PLD5: variants seen among roughly 807,000 people sequenced by gnomAD.
The protein encoded by PLD5 is inactive phospholipase D5.
PLD5 carries 36 observed loss-of-function variants against 61.1 expected under a neutral mutation model. That is an observed-to-expected ratio of 0.59 (90% CI 0.45 to 0.78). The LOEUF (loss-of-function observed/expected upper bound fraction) is 0.78. PLD5 is among the 30% of genes least tolerant of loss of function. The pLI, the probability that PLD5 is intolerant of heterozygous loss-of-function variation, is 0.00. For synonymous variants in PLD5, 243 were observed against 242.8 expected (o/e 1.00, Z -0.01); for missense variants, 515 against 644.4 (o/e 0.80, Z 2.17).
chr1:242,202,258 T>C lies in PLD5; in HGVS notation c.735+17730A>G, dbSNP rs1055830045. ...AAAACAAACAAACAAACAAAAAATA[T>C]GGTGTGTGGCCAGGTCCTTGGGTGT... On this transcript the variant is annotated intron_variant, in intron 5 of 9. Coordinates refer to ENST00000536534, the MANE Select transcript of PLD5 (RefSeq NM_001372062.1). 4.0e-5 allele frequency among the ~76,000 whole-genome samples: 6 copies of C among 150,496 alleles called. No individual in the cohort carries two copies. The South Asian group carries it at 1.3e-3, about 32-fold the overall frequency.
intron 1 of PLD5, among the ~76,000 whole-genome samples, chr1:242,383,369 A>G (rs1036446106): frequency 6.6e-6 from 1 of 152,060 alleles, no homozygotes; most frequent in Admixed American, 6.6e-5. Context: ...TAGTATATTT[A>G]AGAAGTTTGT....
chr1:242,084,750 G>GTTTTTTT lies in PLD5; in HGVS notation c.*5097_*5103dup, dbSNP rs1162808490. ...CTCAGAATGAACATTTATTGGAAAGGTTTTTTTTTTTTTTTTTTTTTTTTT... is the reference window on the plus strand; with the variant it reads ...CTCAGAATGAACATTTATTGGAAAGGTTTTTTTTTTTTTTTTTTTTTTTTTTTTTTTT... On this transcript the variant is annotated 3_prime_UTR_variant, in exon 10 of 10. Transcript: ENST00000536534. 3 of 73,618 alleles carry GTTTTTTT rather than the reference G, an allele frequency of 4.1e-5. No individual in the cohort carries two copies. Among genetic ancestry groups the GTTTTTTT allele is most frequent in the East Asian group, 4.8e-4 (1 of 2,080 alleles). The allele number at this position is 73,618 out of a possible 1,614,324, so 4.6% of individuals were successfully genotyped here.
rs1659367063 is a variant in PLD5 at position 242,084,472 on chromosome 1, C to T, written c.*5382G>A. The T allele has an allele frequency of 6.6e-6, 1 of 152,120 alleles. No homozygotes were observed. The highest frequency in any genetic ancestry group is 6.6e-5 in the Admixed American group (1 of 15,260). The allele number at this position is 152,120 out of a possible 1,614,324, so 9.4% of individuals were successfully genotyped here. ...CTTGAGAAAGGAACCATATAAAGCA[C>T]TCCAAATTGTTTGGCTCAAGTAGGT... is the stretch of plus-strand genomic sequence containing the variant. On this transcript the variant is annotated 3_prime_UTR_variant, in exon 10 of 10. Transcript: ENST00000536534.
chr1:242,341,270 T>C (rs1195227088), intron 2 of PLD5, among the ~76,000 whole-genome samples: 1 of 151,272 alleles, frequency 6.6e-6, no homozygotes, highest in Non-Finnish European at 1.5e-5. Flanking sequence ...TCTAAGGTCA[T>C]GATACTAAAC....
intron 7 of PLD5, among the ~76,000 whole-genome samples, chr1:242,111,130 C>T (rs1171868135): frequency 6.6e-6 from 1 of 150,966 alleles, no homozygotes; most frequent in Non-Finnish European, 1.5e-5. Flanking sequence ...GATCTTGGCT[C>T]ACTGCAACCT....
chr1:242,176,585 G>C (rs1440021293), intron 5 of PLD5, among the ~76,000 whole-genome samples: 1 of 152,136 alleles, frequency 6.6e-6, no homozygotes, highest in South Asian at 2.1e-4. Context: ...TTTGACAAAT[G>C]GGACTTAATT....
chr1:242,261,177 C>A (rs1374882695), intron 4 of PLD5, among the ~76,000 whole-genome samples: 1 of 152,146 alleles, frequency 6.6e-6, no homozygotes, highest in African/African-American at 2.4e-5. Context: ...CTGGGATAAA[C>A]AAGTAGACTG....
At chr1:242,311,738 G>T (rs910248206) in intron 2 of PLD5, among the ~76,000 whole-genome samples, 3 of 152,052 alleles carry the variant, frequency 2.0e-5, no homozygotes, top group African/African-American at 7.2e-5. Context: ...TCTTGCATTT[G>T]TACATTTATG....
intron 1 of PLD5, among the ~76,000 whole-genome samples, chr1:242,453,356 T>C (rs559140501): frequency 6.6e-6 from 1 of 152,358 alleles, no homozygotes; most frequent in Non-Finnish European, 1.5e-5. Flanking sequence ...CTACCTAGTT[T>C]ATGGTCATTT....
chr1:242,527,114 C>CTTTTTTTTTTTTTTTTTTTTT (rs530334746), upstream of PLD5, among the ~76,000 whole-genome samples: 23 of 71,978 alleles, frequency 3.2e-4, 5 homozygotes, highest in East Asian at 7.9e-4. Flanking sequence ...CTATCTCCTT[C>CTTTTTTTTTTTTTTTTTTTTT]TTTTTTTTTT....
intron 9 of PLD5, among the ~76,000 whole-genome samples, chr1:242,091,772 G>A (rs1659842929): frequency 1.3e-5 from 2 of 151,376 alleles, no homozygotes; most frequent in Admixed American, 1.3e-4. Context: ...TGCTTTCTGT[G>A]GACGCCCTAC....
intron 5 of PLD5, among the ~76,000 whole-genome samples, chr1:242,150,303 A>AT (rs1256332679): frequency 1.3e-5 from 2 of 151,730 alleles, no homozygotes; most frequent in Non-Finnish European, 3.0e-5. Context: ...ACAGTGTTCT[A>AT]TAAACATTGG....
chr1:242,159,688 A>G (rs116761282), intron 5 of PLD5, among the ~76,000 whole-genome samples: 1,592 of 152,074 alleles, frequency 0.01, 32 homozygotes, highest in African/African-American at 0.037. Flanking sequence ...CCCAGCTTCA[A>G]TGGGTTTCTA....
At chr1:242,394,978 AAT>A (rs1343535428) in intron 1 of PLD5, among the ~76,000 whole-genome samples, 2 of 105,314 alleles carry the variant, frequency 1.9e-5, no homozygotes, top group African/African-American at 3.8e-5. Context: ...ATTATATATG[AAT>A]ATATATGAAT....
chr1:242,257,539 G>C (rs902343754), intron 4 of PLD5, among the ~76,000 whole-genome samples: 3 of 152,138 alleles, frequency 2.0e-5, no homozygotes, highest in African/African-American at 7.2e-5. Flanking sequence ...TGGCAATAAG[G>C]AGCGATCTAC....
Position 242,194,890 on chromosome 1 carries a change from C to T in PLD5, c.735+25098G>A, listed in dbSNP as rs561940304. ...GGACTCAGGAGGAAAGGGAGGGAAG[C>T]GGGTAAGGGATAAGAGACTACAAAT... On this transcript the variant is annotated intron_variant, in intron 5 of 9. Transcript: ENST00000536534. Among the ~76,000 whole-genome samples the T allele has an allele frequency of 1.4e-4, 21 of 151,870 alleles. No homozygotes were observed. The South Asian group carries it at 1.5e-3, about 11-fold the overall frequency.
intron 4 of PLD5, among the ~76,000 whole-genome samples, chr1:242,242,411 T>C (rs1487481443): frequency 1.3e-5 from 2 of 152,162 alleles, no homozygotes; most frequent in African/African-American, 4.8e-5. Context: ...ACTGTACACA[T>C]AGTAAAGCCA....
At chr1:242,298,879 AC>A (rs1477601705) in intron 2 of PLD5, among the ~76,000 whole-genome samples, 2 of 152,158 alleles carry the variant, frequency 1.3e-5, no homozygotes, top group Non-Finnish European at 2.9e-5. Context: ...GAGGATGAAG[AC>A]AAAAGAGGAA....
chr1:242,483,475 G>T (rs377522647), intron 1 of PLD5, among the ~76,000 whole-genome samples: 2 of 152,082 alleles, frequency 1.3e-5, no homozygotes, highest in Non-Finnish European at 2.9e-5. Context: ...CCATTACATA[G>T]TGGTAAAGGG....
Sources: gnomAD v4.1 joint callset for allele counts (sites outside exome capture counted in the v4.1 genomes callset) on GRCh38, gnomAD v4.1.1 for gene constraint, MANE v1.5 for transcripts, NCBI Gene and HGNC (gene_info 2026-07-23, HGNC 2026-07-21) for gene names.